SLC30A4: variants seen among roughly 807,000 people sequenced by gnomAD.
The protein encoded by SLC30A4 is probable proton-coupled zinc antiporter SLC30A4.
SLC30A4 carries 20 observed loss-of-function variants against 41.7 expected under a neutral mutation model. That is an observed-to-expected ratio of 0.48 (90% CI 0.34 to 0.70). The LOEUF (loss-of-function observed/expected upper bound fraction) is 0.70, where lower values mean the gene tolerates loss of function less well. Among genes scored for constraint, SLC30A4 ranks in the 30% least tolerant of loss-of-function variants. SLC30A4 has a pLI of 0.01. For synonymous variants in SLC30A4, 181 were observed against 195.9 expected (o/e 0.92, Z 0.64); for missense variants, 441 against 529.3 (o/e 0.83, Z 1.64).
intron 2 of SLC30A4, among the ~76,000 whole-genome samples, chr15:45,515,180 C>T (rs1422175749): frequency 6.6e-6 from 1 of 151,686 alleles, no homozygotes; most frequent in Non-Finnish European, 1.5e-5. Context: ...TGACACCGTG[C>T]TTGGCTTTTT....
rs1296465174 is a variant in SLC30A4 at position 45,487,648 on chromosome 15, T to G, written c.895-16A>C. ...TGTATTCTGGCTAAAGGGTAATAGA[T>G]CAAAATTTATGATTAAATAGACAAA... On this transcript the variant is annotated splice_polypyrimidine_tract_variant and intron_variant, in intron 5 of 7. Transcript: ENST00000261867. 3 of 1,174,052 alleles carry G rather than the reference T, an allele frequency of 2.6e-6. No homozygotes were observed. The Admixed American group carries it at 5.2e-5, about 20-fold the overall frequency. 72.7% of individuals were successfully genotyped at this position (1,174,052 alleles called of 1,614,324 possible). A position where few individuals can be genotyped will look rare whatever the true frequency, so the allele number is the denominator to read the frequency against.
chr15:45,520,574 C>T (rs906414864), intron 2 of SLC30A4, among the ~76,000 whole-genome samples: 1 of 152,112 alleles, frequency 6.6e-6, no homozygotes, highest in Non-Finnish European at 1.5e-5. Context: ...TGCACCCGGC[C>T]GGGGTGTCTT....
intron 6 of SLC30A4, among the ~76,000 whole-genome samples, chr15:45,487,210 T>C (rs1891720962): frequency 6.6e-6 from 1 of 152,186 alleles, no homozygotes; most frequent in South Asian, 2.1e-4. Flanking sequence ...TTTGTCCTAG[T>C]GCCACAGTTT....
chr15:45,488,573 A>G (rs988435696), intron 5 of SLC30A4, among the ~76,000 whole-genome samples: 3 of 151,108 alleles, frequency 2.0e-5, no homozygotes, highest in Non-Finnish European at 4.4e-5. Context: ...ACTCTGTCTC[A>G]AAAATAAATA....
chr15:45,499,544 A>G (rs1048682503), intron 3 of SLC30A4, among the ~76,000 whole-genome samples: 1 of 152,216 alleles, frequency 6.6e-6, no homozygotes, highest in Non-Finnish European at 1.5e-5. Flanking sequence ...TACTTTCACC[A>G]GAAGGACAGA....
At chr15:45,517,900 A>G (rs1892538738) in intron 2 of SLC30A4, among the ~76,000 whole-genome samples, 1 of 152,078 alleles carries the variant, frequency 6.6e-6, no homozygotes, top group Non-Finnish European at 1.5e-5. Flanking sequence ...GTGAGCCGAG[A>G]TCACACCACT....
intron 3 of SLC30A4, among the ~76,000 whole-genome samples, chr15:45,504,533 T>G (rs1892109179): frequency 6.6e-6 from 1 of 152,180 alleles, no homozygotes. Context: ...GTTACCATAT[T>G]ATGATAAAAT....
intron 2 of SLC30A4, among the ~76,000 whole-genome samples, chr15:45,520,165 G>A (rs1401875589): frequency 6.6e-6 from 1 of 152,114 alleles, no homozygotes; most frequent in Non-Finnish European, 1.5e-5. Flanking sequence ...GAAAGTTGGA[G>A]AGGGAACAGG....
chr15:45,508,795 G>A lies in SLC30A4; in HGVS notation c.538+2343C>T, dbSNP rs554574675. On this transcript the variant is annotated intron_variant, in intron 3 of 7. Coordinates refer to ENST00000261867, the MANE Select transcript of SLC30A4 (RefSeq NM_013309.6). The stretch of plus-strand genomic sequence containing the variant: ...AAAATTCCAGAGACACAATAGGACC[G>A]GTCAGTTCTATTGTCTCTTATTTTT... Among the ~76,000 whole-genome samples, 6 of 152,166 alleles carry A rather than the reference G, an allele frequency of 3.9e-5. 1 individual carries two copies. The highest frequency in any genetic ancestry group is 4.1e-4 in the South Asian group (2 of 4,822).
intron 6 of SLC30A4, among the ~76,000 whole-genome samples, chr15:45,486,960 CAT>C (rs1566874660): frequency 6.6e-6 from 1 of 150,612 alleles, no homozygotes; most frequent in Non-Finnish European, 1.5e-5. Context: ...ACTTTAAAAA[CAT>C]ATTCATTCTC....
chr15:45,509,652 G>A (rs1892238610), intron 3 of SLC30A4, among the ~76,000 whole-genome samples: 1 of 152,132 alleles, frequency 6.6e-6, no homozygotes, highest in African/African-American at 2.4e-5. Context: ...ACGGAGGGGT[G>A]GGGATGCTAG....
At chr15:45,490,918 G>T in intron 3 of SLC30A4, 37 bp from the exon 4 acceptor site, 1 of 1,433,172 alleles carries the variant, frequency 7.0e-7, no homozygotes. Flanking sequence ...TACATTTTCA[G>T]CATGGTTACT....
Position 45,488,988 on chromosome 15 carries a change from C to A in SLC30A4, c.747G>T (p.Leu249=). ...SGHRHSHSHS[L]PSNSPTRGSG... is the part of the protein sequence containing the mutation. The stretch of plus-strand genomic sequence containing the variant: ...AACCTCTGGTAGGGGAATTTGAAGG[C>A]AGGGAGTGGGAATGGGAGTGACGGT... Residue 249 remains leucine (L), a synonymous_variant, in exon 5 of 8, where the codon CTG becomes CTT. Coordinates refer to ENST00000261867, the MANE Select transcript of SLC30A4 (RefSeq NM_013309.6). The A allele has an allele frequency of 1.2e-6, 2 of 1,614,096 alleles. No homozygotes were observed. Among genetic ancestry groups the A allele is most frequent in the South Asian group, 2.2e-5 (2 of 91,078 alleles).
chr15:45,499,081 ATTT>A (rs58257947), intron 3 of SLC30A4, among the ~76,000 whole-genome samples: 3 of 132,874 alleles, frequency 2.3e-5, no homozygotes, highest in Non-Finnish European at 1.6e-5. Context: ...GCCTAGGCTG[ATTT>A]TTTTTTTTTT....
rs142948876 is a variant in SLC30A4, at chr15:45,485,503, A to T, written c.1136-186T>A. On this transcript the variant is annotated intron_variant, in intron 7 of 7. Transcript: ENST00000261867. Reference sequence around the variant, plus strand: ...TCCTTAATGGCTTCTCATTATTCTAACCTCTCCAGTCTACTCTCAGGTAGA... The same window carrying T: ...TCCTTAATGGCTTCTCATTATTCTATCCTCTCCAGTCTACTCTCAGGTAGA... 1.9e-3 allele frequency among the ~76,000 whole-genome samples: 294 copies of T among 152,132 alleles called. 2 individuals are homozygous for T. Among genetic ancestry groups the T allele is most frequent in the African/African-American group, 6.6e-3 (272 of 41,512 alleles).
chr15:45,497,280 G>A (rs2140825670), intron 3 of SLC30A4: 1 of 152,282 alleles, frequency 6.6e-6, no homozygotes, highest in East Asian at 1.9e-4. Flanking sequence ...ATGTTGGCCA[G>A]GGTAGTTTCA....
intron 3 of SLC30A4, chr15:45,502,100 CTTTTTTTT>C (rs1203192748): frequency 7.4e-6 from 1 of 134,246 alleles, no homozygotes; most frequent in East Asian, 2.2e-4. Flanking sequence ...TGACTTTTTA[CTTTTTTTT>C]TTTTTTTTTT....
intron 3 of SLC30A4, among the ~76,000 whole-genome samples, chr15:45,506,673 A>G (rs1892161277): frequency 6.6e-6 from 1 of 152,224 alleles, no homozygotes; most frequent in Non-Finnish European, 1.5e-5. Flanking sequence ...GTCTATATCT[A>G]GATATCCCCT....
chr15:45,485,781 C>T (rs1411839612), intron 7 of SLC30A4, among the ~76,000 whole-genome samples: 3 of 151,500 alleles, frequency 2.0e-5, no homozygotes. Context: ...ACAATGGCGC[C>T]ATCTTGGCTT....
Sources: gnomAD v4.1 joint callset for allele counts (sites outside exome capture counted in the v4.1 genomes callset) on GRCh38, gnomAD v4.1.1 for gene constraint, MANE v1.5 for transcripts, NCBI Gene and HGNC (gene_info 2026-07-23, HGNC 2026-07-21) for gene names.